FCHO1: variants seen among roughly 807,000 people sequenced by gnomAD.
FCHO1 encodes F-BAR domain only protein 1.
In FCHO1, 45 loss-of-function variants were observed where a neutral mutation model predicts 114.4. That is an observed-to-expected ratio of 0.39 (90% CI 0.31 to 0.50). The LOEUF (loss-of-function observed/expected upper bound fraction) is 0.50, where lower values mean the gene tolerates loss of function less well. Ranked by LOEUF, FCHO1 falls within the 20% of genes least tolerant of loss-of-function variation. FCHO1 has a pLI of 0.77. For missense variants in FCHO1, 1,042 were observed against 1,209.6 expected (o/e 0.86, Z 2.06); for synonymous variants, 480 against 488.9 (o/e 0.98, Z 0.24).
intron 6 of FCHO1, among the ~76,000 whole-genome samples, chr19:17,765,397 C>T (rs955536079): frequency 2.6e-5 from 4 of 151,702 alleles, no homozygotes; most frequent in African/African-American, 7.3e-5. Context: ...TGTGCCCGGG[C>T]GCGGTGGCTC....
At chr19:17,768,927 T>A (rs1425237431) in intron 7 of FCHO1, among the ~76,000 whole-genome samples, 1 of 151,536 alleles carries the variant, frequency 6.6e-6, no homozygotes, top group Non-Finnish European at 1.5e-5. Context: ...GGTGTGAGAA[T>A]TGCTTGAGCC....
intron 5 of FCHO1, 89 bp from the exon 6 acceptor site, chr19:17,764,286 C>T: frequency 7.5e-7 from 1 of 1,338,080 alleles, no homozygotes; most frequent in South Asian, 1.2e-5. Flanking sequence ...GGTGATCCGT[C>T]CGCCTCGGCC....
chr19:17,769,580 AACACACAC>A (rs71162199), intron 7 of FCHO1, among the ~76,000 whole-genome samples: 9,831 of 144,010 alleles, frequency 0.068, 485 homozygotes, highest in African/African-American at 0.12. Context: ...CTTCGTCTCA[AACACACAC>A]ACACACACAC....
intron 26 of FCHO1, among the ~76,000 whole-genome samples, chr19:17,785,179 A>C (rs1280407652): frequency 6.6e-6 from 1 of 152,098 alleles, no homozygotes; most frequent in Non-Finnish European, 1.5e-5. Flanking sequence ...ATATGGTGAG[A>C]TCTCATCTCT....
chr19:17,761,743 C>T (rs2086326886), intron 4 of FCHO1, among the ~76,000 whole-genome samples: 2 of 151,658 alleles, frequency 1.3e-5, no homozygotes, highest in South Asian at 4.2e-4. Flanking sequence ...TCACTGCAAC[C>T]TCTGCCTCCC....
At chr19:17,786,767 G>A in intron 27 of FCHO1, 138 bp downstream of exon 27, 2 of 917,972 alleles carry the variant, frequency 2.2e-6, no homozygotes, top group Non-Finnish European at 3.3e-6. Flanking sequence ...AAAAGCTGGA[G>A]GAGGGCCGGG....
At chr19:17,764,527 T>C in intron 6 of FCHO1, 78 bp downstream of exon 6, 1 of 1,214,030 alleles carries the variant, frequency 8.2e-7, no homozygotes, top group Non-Finnish European at 1.2e-6. Flanking sequence ...ACTCGGTGCA[T>C]GTAGAATAGA....
chr19:17,755,967 TC>T (rs1196320413), intron 4 of FCHO1, among the ~76,000 whole-genome samples: 4 of 152,166 alleles, frequency 2.6e-5, no homozygotes, highest in Non-Finnish European at 2.9e-5. Context: ...CAGGGACTCC[TC>T]CTGCAGAGCC....
chr19:17,763,999 C>T (rs1324589087), intron 5 of FCHO1, among the ~76,000 whole-genome samples: 1 of 151,776 alleles, frequency 6.6e-6, no homozygotes, highest in Admixed American at 6.6e-5. Flanking sequence ...AACTGAGGCC[C>T]AGAGGAGCAG....
At chr19:17,764,061 A>G in intron 5 of FCHO1, among the ~76,000 whole-genome samples, 1 of 144,892 alleles carries the variant, frequency 6.9e-6, no homozygotes, top group East Asian at 2.0e-4. Flanking sequence ...TTTTTTTGCG[A>G]TGGAGTCTTG....
chr19:17,762,808 A>T lies in FCHO1; in HGVS notation c.74A>T (p.Gln25Leu). Residue 25 changes from glutamine (Q) to leucine (L), a missense_variant, in exon 5 of 29, where the codon CAG becomes CTG. Coordinates refer to ENST00000596536, the MANE Select transcript of FCHO1 (RefSeq NM_015122.3). ...GFEVLYHSVKQGPISTKELAD... is the reference protein window; with the variant it reads ...GFEVLYHSVKLGPISTKELAD... ...GAGGTCCTGTACCACAGCGTGAAGC[A>T]GGGGCCCATCTCCACCAAGGAGCTG... 2 of 1,614,130 alleles carry T rather than the reference A, an allele frequency of 1.2e-6. No homozygotes were observed. The highest frequency in any genetic ancestry group is 1.7e-6 in the Non-Finnish European group (2 of 1,179,998).
chr19:17,784,980 C>G lies in FCHO1; in HGVS notation c.2426+56C>G. The G allele has an allele frequency of 6.4e-7, 1 of 1,556,450 alleles. No individual in the cohort carries two copies. Among genetic ancestry groups the G allele is most frequent in the Non-Finnish European group, 8.8e-7 (1 of 1,142,654 alleles). On this transcript the variant is annotated intron_variant, in intron 26 of 28. Coordinates refer to ENST00000596536, the MANE Select transcript of FCHO1 (RefSeq NM_015122.3). The surrounding 1 kb of genome is among the most constrained non-coding windows in gnomAD (Gnocchi z 5.3). Reference sequence around the variant, plus strand: ...CAGCAGTTTCCCCCATAACCCCAGACCTTCTCCCTGATGCATTGATTAAAG... The same window carrying G: ...CAGCAGTTTCCCCCATAACCCCAGAGCTTCTCCCTGATGCATTGATTAAAG...
intron 23 of FCHO1, among the ~76,000 whole-genome samples, chr19:17,782,686 A>G (rs112504658): frequency 4.7e-4 from 72 of 152,318 alleles, no homozygotes; most frequent in African/African-American, 1.7e-3. Context: ...CTGAAAGTCA[A>G]ACCATGAAGA....
At chr19:17,761,356 T>C (rs2086091552) in intron 4 of FCHO1, among the ~76,000 whole-genome samples, 1 of 150,888 alleles carries the variant, frequency 6.6e-6, no homozygotes, top group Non-Finnish European at 1.5e-5. Context: ...TATGGGGGAA[T>C]GTGGCTTTCA....
At chr19:17,786,763 T>C in intron 27 of FCHO1, 134 bp downstream of exon 27, 1 of 958,438 alleles carries the variant, frequency 1.0e-6, no homozygotes, top group Non-Finnish European at 1.6e-6. Context: ...CTTTAAAAGC[T>C]GGAGGAGGGC....
intron 24 of FCHO1, 133 bp downstream of exon 24, chr19:17,783,305 C>A: frequency 1.0e-6 from 1 of 995,234 alleles, no homozygotes; most frequent in Non-Finnish European, 1.4e-6. Flanking sequence ...CTTGCTCTGT[C>A]GCCCAGGCTG....
chr19:17,755,832 C>T (rs1336939767), intron 4 of FCHO1, among the ~76,000 whole-genome samples: 1 of 152,176 alleles, frequency 6.6e-6, no homozygotes, highest in Non-Finnish European at 1.5e-5. Context: ...TTCAGCCCTG[C>T]AGGACCAGGG....
intron 20 of FCHO1, among the ~76,000 whole-genome samples, chr19:17,779,588 A>G (rs2093128137): frequency 7.2e-6 from 1 of 138,214 alleles, no homozygotes; most frequent in Non-Finnish European, 1.6e-5. Context: ...GAGCGGAGTC[A>G]AGGGAAGGAG....
chr19:17,769,424 AG>A (rs926973896), intron 7 of FCHO1, among the ~76,000 whole-genome samples: 23 of 150,990 alleles, frequency 1.5e-4, no homozygotes, highest in South Asian at 6.3e-4. Flanking sequence ...AAAATACAAA[AG>A]AAAAATTAGC....
Sources: gnomAD v4.1 joint callset for allele counts (sites outside exome capture counted in the v4.1 genomes callset) on GRCh38, gnomAD v4.1.1 for gene constraint, Gnocchi (gnomAD v3.1) non-coding constraint, MANE v1.5 for transcripts, NCBI Gene and HGNC (gene_info 2026-07-23, HGNC 2026-07-21) for gene names.